Variants in NBEA observed in about 807,000 individuals in gnomAD.
The protein encoded by NBEA is neurobeachin.
Under a neutral mutation model 343.4 loss-of-function variants are expected in NBEA, and 44 were observed. That is an observed-to-expected ratio of 0.13 (90% CI 0.10 to 0.16). NBEA has a LOEUF of 0.16. Among genes scored for constraint, NBEA ranks in the 10% least tolerant of loss-of-function variants. The pLI is 1.00. For synonymous variants in NBEA, 1,175 were observed against 1,238.7 expected (o/e 0.95, Z 1.08); for missense variants, 2,555 against 3,631.3 (o/e 0.70, Z 7.62).
intron 1 of NBEA, among the ~76,000 whole-genome samples, chr13:35,016,365 T>C (rs2152537981): frequency 6.6e-6 from 1 of 152,294 alleles, no homozygotes; most frequent in Non-Finnish European, 1.5e-5. Context: ...AGAATCTGAG[T>C]ATTACATCTA....
intron 16 of NBEA, among the ~76,000 whole-genome samples, chr13:35,119,396 G>A (rs952026164): frequency 3.3e-5 from 5 of 151,826 alleles, no homozygotes; most frequent in African/African-American, 1.2e-4. Context: ...TTTTTACTTG[G>A]CCATTTATAT....
intron 35 of NBEA, among the ~76,000 whole-genome samples, chr13:35,296,068 A>C (rs1320045302): frequency 6.6e-6 from 1 of 152,184 alleles, no homozygotes; most frequent in East Asian, 1.9e-4. Context: ...TTTATGAATA[A>C]ACAAAAAGTT....
At chr13:35,005,973 T>C (rs1566152103) in intron 1 of NBEA, among the ~76,000 whole-genome samples, 1 of 152,170 alleles carries the variant, frequency 6.6e-6, no homozygotes, top group African/African-American at 2.4e-5. Context: ...TCCTTAGGTA[T>C]AAGGTGTATT....
At chr13:35,144,261 G>T (rs371797319) in intron 18 of NBEA, among the ~76,000 whole-genome samples, 3 of 152,146 alleles carry the variant, frequency 2.0e-5, no homozygotes, top group East Asian at 3.9e-4. Flanking sequence ...CTAACCAAGG[G>T]ATGGATGGAA....
chr13:35,338,617 G>A (rs998334833), intron 36 of NBEA, among the ~76,000 whole-genome samples: 2 of 151,944 alleles, frequency 1.3e-5, no homozygotes, highest in African/African-American at 2.4e-5. Context: ...TTTATGAGGC[G>A]AGTATTACCC....
chr13:35,353,370 G>T (rs1332776079), intron 38 of NBEA, among the ~76,000 whole-genome samples: 1 of 152,092 alleles, frequency 6.6e-6, no homozygotes, highest in Admixed American at 6.6e-5. Flanking sequence ...AGGAGGCAGA[G>T]GTTGCAGTGA....
At chr13:35,568,024 T>C (rs2080217773) in intron 45 of NBEA, among the ~76,000 whole-genome samples, 1 of 152,174 alleles carries the variant, frequency 6.6e-6, no homozygotes, top group Admixed American at 6.5e-5. Flanking sequence ...ATTTGTAATA[T>C]GAGAATAATA....
chr13:35,427,766 C>T (rs2044798364), intron 38 of NBEA, among the ~76,000 whole-genome samples: 2 of 152,226 alleles, frequency 1.3e-5, no homozygotes, highest in South Asian at 4.1e-4. Context: ...CCTCCTTGAG[C>T]TGTGGTGGGC....
chr13:35,422,906 G>A (rs1411708400), intron 38 of NBEA, among the ~76,000 whole-genome samples: 4 of 152,178 alleles, frequency 2.6e-5, no homozygotes, highest in Non-Finnish European at 5.9e-5. Flanking sequence ...CAGTGATGAT[G>A]AGCATTTTTT....
intron 36 of NBEA, among the ~76,000 whole-genome samples, chr13:35,322,190 G>C (rs1336109449): frequency 6.6e-6 from 1 of 152,158 alleles, no homozygotes; most frequent in Non-Finnish European, 1.5e-5. Flanking sequence ...CCAAACGGCT[G>C]TCCAGTTTTG....
At chr13:35,572,030 G>T (rs973161798) in intron 45 of NBEA, among the ~76,000 whole-genome samples, 1 of 152,030 alleles carries the variant, frequency 6.6e-6, no homozygotes, top group Non-Finnish European at 1.5e-5. Flanking sequence ...TATTTATTAT[G>T]TGTACAGGTT....
At chr13:35,407,436 T>A (rs1006313145) in intron 38 of NBEA, among the ~76,000 whole-genome samples, 2 of 144,050 alleles carry the variant, frequency 1.4e-5, no homozygotes, top group Admixed American at 1.4e-4. Flanking sequence ...CTGAAGAAAG[T>A]AAAATAAAAT....
rs756141180 is a variant in NBEA at position 35,159,613 on chromosome 13, T to C, written c.3442T>C (p.Phe1148Leu). Residue 1148 changes from phenylalanine (F) to leucine (L), a missense_variant, in exon 22 of 59, where the codon TTT becomes CTT. Physicochemically the swap from Phe to Leu is conservative, Grantham distance 22. This residue lies in a region of NBEA where 367 missense variants were observed against 377.5 expected (regional missense o/e 0.97). Transcript: ENST00000379939. ...TCCCAATAGTAGTACATCATTTCTC[T>C]TTGATAAAATACCCAAACAGGAGGA... is the stretch of plus-strand genomic sequence containing the variant. ...DLPNSSTSFL[F>L]DKIPKQEEKL... The C allele has an allele frequency of 5.0e-6, 8 of 1,611,414 alleles. No individual in the cohort carries two copies. Among genetic ancestry groups the C allele is most frequent in the Non-Finnish European group, 6.8e-6 (8 of 1,178,790 alleles).
intron 48 of NBEA, among the ~76,000 whole-genome samples, chr13:35,624,401 T>G (rs1161082327): frequency 6.6e-6 from 1 of 152,148 alleles, no homozygotes; most frequent in Non-Finnish European, 1.5e-5. Flanking sequence ...AAAATTTTAT[T>G]TTTTAACTCT....
chr13:35,486,029 A>C (rs762493895), intron 41 of NBEA, among the ~76,000 whole-genome samples: 1 of 151,772 alleles, frequency 6.6e-6, no homozygotes, highest in Non-Finnish European at 1.5e-5. Flanking sequence ...AGTCTAAAAA[A>C]TAGGCTGATG....
At chr13:35,553,173 A>G (rs1013810310) in intron 43 of NBEA, among the ~76,000 whole-genome samples, 25 of 152,030 alleles carry the variant, frequency 1.6e-4, no homozygotes, top group African/African-American at 6.0e-4. Flanking sequence ...ATTACAGGCA[A>G]CAGTCACCAT....
At chr13:35,366,849 A>G (rs2041149496) in intron 38 of NBEA, among the ~76,000 whole-genome samples, 1 of 151,390 alleles carries the variant, frequency 6.6e-6, no homozygotes. Flanking sequence ...ACAATAGGAA[A>G]ATAAAACTTA....
intron 35 of NBEA, among the ~76,000 whole-genome samples, chr13:35,308,596 ATATG>A (rs2037141966): frequency 1.5e-5 from 2 of 136,356 alleles, no homozygotes; most frequent in African/African-American, 5.6e-5. Context: ...ATATATGTAT[ATATG>A]TATATATGTA....
intron 41 of NBEA, among the ~76,000 whole-genome samples, chr13:35,539,664 A>C (rs1049374503): frequency 1.9e-4 from 15 of 80,756 alleles, no homozygotes; most frequent in Non-Finnish European, 3.3e-4. Context: ...CGCCTGTAAT[A>C]CCAGCACTTT....
Sources: allele counts gnomAD v4.1 joint callset (sites outside exome capture counted in the v4.1 genomes callset), GRCh38; gene constraint gnomAD v4.1.1; regional missense constraint gnomAD v4.1.1; transcripts MANE v1.5; gene names NCBI Gene and HGNC (gene_info 2026-07-23, HGNC 2026-07-21).